TMEM217B: variants seen among roughly 807,000 people sequenced by gnomAD.
TMEM217B encodes putative transmembrane protein 217B.
the TMEM217B span, among the ~76,000 whole-genome samples, chr6:37,255,760 C>T: frequency 7.9e-5 from 12 of 151,400 alleles, no homozygotes; most frequent in Admixed American, 5.3e-4. Context: ...AGCAGGGAGC[C>T]GAATAGCAGG....
chr6:37,220,393 A>T, the TMEM217B span, among the ~76,000 whole-genome samples: 2 of 152,170 alleles, frequency 1.3e-5, no homozygotes, highest in African/African-American at 4.8e-5. Flanking sequence ...AGTTGTGAGC[A>T]TCCCCAAAGG....
the TMEM217B span, among the ~76,000 whole-genome samples, chr6:37,255,033 C>T: frequency 6.6e-6 from 1 of 152,190 alleles, no homozygotes; most frequent in Non-Finnish European, 1.5e-5. Flanking sequence ...AGGCGGAGCT[C>T]TGGCAGTAAT....
the TMEM217B span, chr6:37,258,054 GCGCCACAGAGGCCA>G: frequency 6.7e-7 from 1 of 1,498,012 alleles, no homozygotes. Flanking sequence ...CGGGCCTGGG[GCGCCACAGAGGCCA>G]GAAGACTGGT....
chr6:37,246,504 C>A, the TMEM217B span, among the ~76,000 whole-genome samples: 1 of 152,164 alleles, frequency 6.6e-6, no homozygotes. Flanking sequence ...TCATGCACTG[C>A]AAGAGGGAGT....
the TMEM217B span, among the ~76,000 whole-genome samples, chr6:37,252,830 G>A: frequency 5.3e-5 from 8 of 151,378 alleles, no homozygotes; most frequent in Admixed American, 5.3e-4. Context: ...GATAGAGATG[G>A]GGTTTTGTCA....
the TMEM217B span, among the ~76,000 whole-genome samples, chr6:37,241,885 T>A: frequency 6.6e-6 from 1 of 152,192 alleles, no homozygotes; most frequent in Non-Finnish European, 1.5e-5. Flanking sequence ...ACCGTGTAAA[T>A]TTGCACTGTA....
chr6:37,217,208 C>T, the TMEM217B span, among the ~76,000 whole-genome samples: 3 of 152,200 alleles, frequency 2.0e-5, no homozygotes, highest in Non-Finnish European at 2.9e-5. Flanking sequence ...GCTGGAGAAT[C>T]GCTTAAACCC....
At chr6:37,225,496 A>C in the TMEM217B span, among the ~76,000 whole-genome samples, 1 of 152,198 alleles carries the variant, frequency 6.6e-6, no homozygotes, top group Non-Finnish European at 1.5e-5. Context: ...CCTAAGGAAA[A>C]AAATAAAAAG....
chr6:37,244,167 G>A, the TMEM217B span, among the ~76,000 whole-genome samples: 1 of 152,178 alleles, frequency 6.6e-6, no homozygotes, highest in Non-Finnish European at 1.5e-5. Context: ...GTTTTGGGAA[G>A]GGCTATTGTC....
chr6:37,257,991 A>G, the TMEM217B span: 1 of 1,613,652 alleles, frequency 6.2e-7, no homozygotes, highest in East Asian at 2.2e-5. Flanking sequence ...CAGGACGCTG[A>G]GAGGGATAGG....
chr6:37,252,783 T>C, the TMEM217B span, among the ~76,000 whole-genome samples: 7 of 151,180 alleles, frequency 4.6e-5, no homozygotes, highest in Admixed American at 4.0e-4. Flanking sequence ...GGACCACAGG[T>C]GTGTGCCACC....
the TMEM217B span, among the ~76,000 whole-genome samples, chr6:37,223,569 C>T: frequency 6.6e-6 from 1 of 152,286 alleles, no homozygotes; most frequent in African/African-American, 2.4e-5. Context: ...AGTACAGTGG[C>T]GTGATCTCAG....
At chr6:37,233,819 G>A in the TMEM217B span, among the ~76,000 whole-genome samples, 1 of 152,144 alleles carries the variant, frequency 6.6e-6, no homozygotes, top group African/African-American at 2.4e-5. Flanking sequence ...ACTAACTTAA[G>A]TCGATGGTTC....
the TMEM217B span, among the ~76,000 whole-genome samples, chr6:37,246,451 C>A: frequency 2.0e-5 from 3 of 152,132 alleles, no homozygotes; most frequent in African/African-American, 7.2e-5. Flanking sequence ...TGCTCACATT[C>A]CACTGGCCAG....
At chr6:37,219,289 A>G in the TMEM217B span, among the ~76,000 whole-genome samples, 179 of 152,290 alleles carry the variant, frequency 1.2e-3, no homozygotes, top group Non-Finnish European at 2.2e-3. Flanking sequence ...CCCTGGATCC[A>G]CCTTAGAATC....
chr6:37,229,339 T>TTTTG, the TMEM217B span, among the ~76,000 whole-genome samples: 23 of 122,236 alleles, frequency 1.9e-4, 2 homozygotes, highest in Admixed American at 1.2e-3. Flanking sequence ...CTTTCAGTTT[T>TTTTG]TTTTTTTTTT....
At chr6:37,250,936 T>C in the TMEM217B span, among the ~76,000 whole-genome samples, 1 of 152,258 alleles carries the variant, frequency 6.6e-6, no homozygotes, top group African/African-American at 2.4e-5. Flanking sequence ...ATCACCAATA[T>C]GATGGTATTA....
chr6:37,218,842 C>G, the TMEM217B span: 2 of 1,614,042 alleles, frequency 1.2e-6, no homozygotes, highest in Non-Finnish European at 1.7e-6. Context: ...TTTTAAAACT[C>G]CAGCAGATGA....
the TMEM217B span, among the ~76,000 whole-genome samples, chr6:37,227,679 C>T: frequency 1.3e-5 from 2 of 151,976 alleles, no homozygotes; most frequent in African/African-American, 2.4e-5. Context: ...CTCCTGACCT[C>T]GTGATCCACC....
Sources: gnomAD v4.1 joint callset for allele counts (sites outside exome capture counted in the v4.1 genomes callset) on GRCh38, gnomAD v4.1.1 for gene constraint, MANE v1.5 for transcripts, NCBI Gene and HGNC (gene_info 2026-07-23, HGNC 2026-07-21) for gene names.